The following DCUN1D4 variants were observed in gnomAD, a reference collection of about 807,000 sequenced individuals.
The protein encoded by DCUN1D4 is DCN1-like protein 4.
DCUN1D4 carries 22 observed loss-of-function variants against 47.9 expected under a neutral mutation model. That is an observed-to-expected ratio of 0.46 (90% CI 0.33 to 0.66). The LOEUF (loss-of-function observed/expected upper bound fraction) is 0.66. Among genes scored for constraint, DCUN1D4 ranks in the 30% least tolerant of loss-of-function variants. The pLI is 0.02. For synonymous variants in DCUN1D4, 121 were observed against 112.2 expected (o/e 1.08, Z -0.50); for missense variants, 301 against 340.8 (o/e 0.88, Z 0.92).
At chr4:51,872,577 A>G (rs544953061) in intron 3 of DCUN1D4, among the ~76,000 whole-genome samples, 46 of 152,314 alleles carry the variant, frequency 3.0e-4, no homozygotes, top group African/African-American at 1.1e-3. Context: ...CTTCCAGGAC[A>G]TGACACTCTC....
At chr4:51,855,858 G>T (rs1196861072) in intron 1 of DCUN1D4, among the ~76,000 whole-genome samples, 1 of 152,180 alleles carries the variant, frequency 6.6e-6, no homozygotes, top group Admixed American at 6.5e-5. Context: ...GGAAAAGAGG[G>T]CATGTGTTTC....
chr4:51,880,066 C>T lies in DCUN1D4; in HGVS notation c.343+2212C>T, dbSNP rs913318014. Reference sequence around the variant, plus strand: ...TATTTTTAGCCACCCCCTTCTTTTTCCCCCTTTTGCTATAGCTTGTCCATA... The same window carrying T: ...TATTTTTAGCCACCCCCTTCTTTTTTCCCCTTTTGCTATAGCTTGTCCATA... On this transcript the variant is annotated intron_variant, in intron 5 of 10. Coordinates refer to ENST00000334635, the MANE Select transcript of DCUN1D4 (RefSeq NM_001040402.3). 4.6e-5 allele frequency among the ~76,000 whole-genome samples: 7 copies of T among 152,158 alleles called. No homozygotes were observed. The East Asian group carries it at 1.3e-3, about 29-fold the overall frequency.
At chr4:51,870,517 T>A (rs1168858420) in intron 3 of DCUN1D4, among the ~76,000 whole-genome samples, 4 of 152,126 alleles carry the variant, frequency 2.6e-5, no homozygotes, top group Non-Finnish European at 4.4e-5. Flanking sequence ...TTTTTTTTTT[T>A]AGAAGAATCT....
At chr4:51,844,802 C>T (rs922518037) in intron 1 of DCUN1D4, 2 of 984,678 alleles carry the variant, frequency 2.0e-6, no homozygotes, top group Non-Finnish European at 1.2e-6. Context: ...CGGCCGCGCC[C>T]GGCCGCGGTT....
At chr4:51,842,927 A>G, upstream of DCUN1D4, 1 of 666,896 alleles carries the variant, frequency 1.5e-6, no homozygotes, top group East Asian at 3.9e-5. Context: ...GCCGGGCCCA[A>G]CCCGCTGCTC....
intron 1 of DCUN1D4, among the ~76,000 whole-genome samples, chr4:51,853,456 C>A (rs1030938925): frequency 6.6e-6 from 1 of 152,204 alleles, no homozygotes; most frequent in South Asian, 2.1e-4. Flanking sequence ...GCTCTGCAAT[C>A]TTTTTCCTGG....
chr4:51,836,015 C>A, the DCUN1D4 span, among the ~76,000 whole-genome samples: 2 of 152,282 alleles, frequency 1.3e-5, no homozygotes, highest in African/African-American at 4.8e-5. Context: ...CCCACCAGCC[C>A]CCTAACAGAA....
At chr4:51,888,320 C>G (rs1486200177) in intron 6 of DCUN1D4, among the ~76,000 whole-genome samples, 1 of 152,096 alleles carries the variant, frequency 6.6e-6, no homozygotes, top group African/African-American at 2.4e-5. Flanking sequence ...GATGGGAGAG[C>G]ACTGACGTTG....
chr4:51,855,424 GA>G (rs1197582378), intron 1 of DCUN1D4, among the ~76,000 whole-genome samples: 2 of 152,152 alleles, frequency 1.3e-5, no homozygotes, highest in African/African-American at 2.4e-5. Flanking sequence ...TAAGTGCTAT[GA>G]AAAAAATCTA....
chr4:51,890,693 A>G (rs776775795), intron 6 of DCUN1D4, among the ~76,000 whole-genome samples: 7 of 152,198 alleles, frequency 4.6e-5, no homozygotes, highest in Non-Finnish European at 1.0e-4. Context: ...TTTGAGGTAG[A>G]TGAGAAGGAA....
chr4:51,897,439 A>G (rs1336481505), intron 7 of DCUN1D4, among the ~76,000 whole-genome samples: 1 of 152,180 alleles, frequency 6.6e-6, no homozygotes, highest in Non-Finnish European at 1.5e-5. Context: ...TGGTGTATGT[A>G]TTATCTGTAC....
chr4:51,867,919 G>A (rs1276396171), intron 3 of DCUN1D4, among the ~76,000 whole-genome samples: 1 of 152,230 alleles, frequency 6.6e-6, no homozygotes, highest in Non-Finnish European at 1.5e-5. Context: ...GTGCCAAGGG[G>A]CACCTGCAGG....
chr4:51,893,902 C>T (rs948513253), intron 7 of DCUN1D4, among the ~76,000 whole-genome samples: 1 of 152,220 alleles, frequency 6.6e-6, no homozygotes, highest in East Asian at 1.9e-4. Context: ...GAGTTCTTTA[C>T]GAAAGAATGT....
intron 3 of DCUN1D4, among the ~76,000 whole-genome samples, chr4:51,869,356 G>A (rs1404871634): frequency 1.3e-5 from 2 of 152,060 alleles, no homozygotes; most frequent in East Asian, 3.9e-4. Context: ...GTATCTTTGT[G>A]ACAATGTTCA....
At chr4:51,838,225 C>T (rs1721545104), upstream of DCUN1D4, among the ~76,000 whole-genome samples, 1 of 152,116 alleles carries the variant, frequency 6.6e-6, no homozygotes, top group Non-Finnish European at 1.5e-5. Context: ...TAAATAATCT[C>T]ATTTGCTGTG....
chr4:51,837,193 T>C, the DCUN1D4 span, among the ~76,000 whole-genome samples: 1 of 152,180 alleles, frequency 6.6e-6, no homozygotes, highest in Non-Finnish European at 1.5e-5. Flanking sequence ...GAGAAGAACA[T>C]GTGGTAATGA....
intron 6 of DCUN1D4, among the ~76,000 whole-genome samples, chr4:51,888,506 C>A (rs1043410942): frequency 1.3e-5 from 2 of 151,866 alleles, no homozygotes; most frequent in African/African-American, 2.4e-5. Context: ...TTTGGGAGGC[C>A]GAGACAGGCG....
chr4:51,847,646 G>T (rs1365943087), intron 1 of DCUN1D4, among the ~76,000 whole-genome samples: 4 of 149,620 alleles, frequency 2.7e-5, no homozygotes, highest in Admixed American at 6.6e-5. Context: ...TTTAGAGGTT[G>T]GGTCTTGTTA....
At chr4:51,895,301 G>A (rs1731069743) in intron 7 of DCUN1D4, among the ~76,000 whole-genome samples, 1 of 152,034 alleles carries the variant, frequency 6.6e-6, no homozygotes, top group Non-Finnish European at 1.5e-5. Flanking sequence ...CATTTCCTGG[G>A]TGTCTCTGGT....
Sources: gnomAD v4.1 joint callset for allele counts (sites outside exome capture counted in the v4.1 genomes callset) on GRCh38, gnomAD v4.1.1 for gene constraint, MANE v1.5 for transcripts, NCBI Gene and HGNC (gene_info 2026-07-23, HGNC 2026-07-21) for gene names.